Variants in ARSG observed in about 807,000 individuals in gnomAD.
ARSG encodes the protein ASG.
Under a neutral mutation model 50.5 loss-of-function variants are expected in ARSG, and 37 were observed. The observed-to-expected ratio is 0.73, with a 90% CI of 0.56 to 0.96. The LOEUF (loss-of-function observed/expected upper bound fraction) is 0.96. Ranked by LOEUF, ARSG falls within the 50% of genes least tolerant of loss-of-function variation. ARSG has a pLI of 0.00. For synonymous variants in ARSG, 225 were observed against 254.6 expected, an observed-to-expected ratio of 0.88 and a Z score of 1.11; for missense variants, 629 against 675.3, an observed-to-expected ratio of 0.93 and a Z score of 0.76.
At chr17:68,407,227 A>G (rs1183087059) in intron 11 of ARSG, among the ~76,000 whole-genome samples, 2 of 152,152 alleles carry the variant, frequency 1.3e-5, no homozygotes, top group African/African-American at 4.8e-5. Flanking sequence ...CCATTGGTCT[A>G]TGTGCCTATT....
chr17:68,380,530 A>T (rs2080383204), intron 8 of ARSG, among the ~76,000 whole-genome samples: 1 of 152,082 alleles, frequency 6.6e-6, no homozygotes, highest in African/African-American at 2.4e-5. Context: ...TGGCCTCCCA[A>T]AGTGGTGGGA....
chr17:68,363,536 C>T (rs920912703), intron 6 of ARSG, among the ~76,000 whole-genome samples: 6 of 152,054 alleles, frequency 3.9e-5, no homozygotes, highest in South Asian at 2.1e-4. Context: ...GGCGCGATCT[C>T]GGCTCACCGC....
rs2160725 is a variant in ARSG, at chr17:68,399,585, A to C, written c.1213-1775A>C. The stretch of plus-strand genomic sequence containing the variant: ...CCATAATGGGTCTTCTCAAACAAAC[A>C]AAAAAAATGCATAGACAAGTTCTCC... On this transcript the variant is annotated intron_variant, in intron 10 of 11. Coordinates refer to ENST00000621439, the MANE Select transcript of ARSG (RefSeq NM_001267727.2). The surrounding 1 kb of genome is among the most constrained non-coding windows in gnomAD (Gnocchi z 4.6). Among the ~76,000 whole-genome samples the C allele has an allele frequency of 0.44, 67,345 of 151,910 alleles. 15,776 individuals are homozygous for C. Among genetic ancestry groups the C allele is most frequent in the Admixed American group, 0.56 (8,539 of 15,264 alleles).
At chr17:68,393,416 T>A (rs2081087665) in intron 9 of ARSG, among the ~76,000 whole-genome samples, 1 of 152,120 alleles carries the variant, frequency 6.6e-6, no homozygotes, top group African/African-American at 2.4e-5. Context: ...AGTTATCAGA[T>A]TGATTGTCGA....
At position 68,385,141 on chromosome 17, in the gene ARSG, C is replaced by A. The variant is rs2080644281; in HGVS notation, c.1060C>A (p.Pro354Thr). 1 of 1,613,970 alleles carries A rather than the reference C, an allele frequency of 6.2e-7. No homozygotes were observed. The highest frequency in any genetic ancestry group is 8.5e-7 in the Non-Finnish European group (1 of 1,179,940). Residue 354 changes from proline to threonine, a missense_variant, in exon 9 of 12, where the codon CCA becomes ACA. Pro to Thr is a conservative substitution (Grantham distance 38). Transcript: ENST00000621439. Reference sequence around the variant, plus strand: ...ACTGGCTTACTGGCCTGGCAGAGTTCCAGTTAATGTCACCAGCACTGCCTT... The same window carrying A: ...ACTGGCTTACTGGCCTGGCAGAGTTACAGTTAATGTCACCAGCACTGCCTT... Reference protein sequence around the residue: ...PALAYWPGRVPVNVTSTALLS... With the variant: ...PALAYWPGRVTVNVTSTALLS...
chr17:68,278,492 C>G (rs2075594771), intron 1 of ARSG, among the ~76,000 whole-genome samples: 1 of 152,064 alleles, frequency 6.6e-6, no homozygotes, highest in Non-Finnish European at 1.5e-5. Flanking sequence ...CTCTGTCATC[C>G]AGGCTAGAGT....
chr17:68,388,282 C>T (rs573333679), intron 9 of ARSG, among the ~76,000 whole-genome samples: 5 of 152,274 alleles, frequency 3.3e-5, no homozygotes, highest in African/African-American at 9.6e-5. Context: ...TGGGCTGGAT[C>T]ACTCTTCGTT....
At chr17:68,377,162 G>A (rs909550435) in intron 8 of ARSG, among the ~76,000 whole-genome samples, 13 of 152,070 alleles carry the variant, frequency 8.5e-5, no homozygotes, top group African/African-American at 2.4e-4. Flanking sequence ...GTGCTTGGCC[G>A]ACCTCAGCGA....
rs12942575 is a variant in ARSG, at chr17:68,262,174, A to C, written c.-552+2748A>C. 8.4e-4 allele frequency among the ~76,000 whole-genome samples: 93 copies of C among 110,174 alleles called. 1 individual carries two copies. The highest frequency in any genetic ancestry group is 1.7e-3 in the Admixed American group (18 of 10,788). 72.3% of individuals were successfully genotyped at this position (110,174 alleles called of 152,430 possible). On this transcript the variant is annotated intron_variant, in intron 1 of 11. Transcript: ENST00000448504. ...TCCATCTCAAACGAAAACAAACAAA[A>C]AAAAAAAAAAGAAAGGGCCGGGCGT...
intron 11 of ARSG, among the ~76,000 whole-genome samples, chr17:68,405,040 T>C (rs1414062549): frequency 6.6e-6 from 1 of 152,164 alleles, no homozygotes; most frequent in Non-Finnish European, 1.5e-5. Flanking sequence ...ATTAGTTATA[T>C]GTCTATGTTT....
chr17:68,375,392 C>T (rs1339391568), intron 8 of ARSG, among the ~76,000 whole-genome samples: 4 of 152,170 alleles, frequency 2.6e-5, no homozygotes, highest in African/African-American at 9.7e-5. Context: ...TTTAGGGCTT[C>T]ACCCCGGGCC....
In ARSG at chr17:68,397,637, C is replaced by T. The variant is rs1374295132; in HGVS notation, c.1212+2444C>T. On this transcript the variant is annotated intron_variant, in intron 10 of 11. Transcript: ENST00000621439. The stretch of plus-strand genomic sequence containing the variant: ...GAATATGAGGAATTATATATATATA[C>T]ACACACACACAATATTCTATACATA... 3.9e-5 allele frequency among the ~76,000 whole-genome samples: 6 copies of T among 151,900 alleles called. No homozygotes were observed. The East Asian group carries it at 5.8e-4, about 15-fold the overall frequency.
intron 5 of ARSG, among the ~76,000 whole-genome samples, chr17:68,356,423 C>T (rs528062798): frequency 6.6e-6 from 1 of 152,124 alleles, no homozygotes; most frequent in African/African-American, 2.4e-5. Flanking sequence ...CCCTAGCTCA[C>T]GAGAGTCTTT....
At chr17:68,431,378 C>T in the ARSG span, among the ~76,000 whole-genome samples, 34,557 of 151,608 alleles carry the variant, frequency 0.23, 4,574 homozygotes, top group Middle Eastern at 0.35. Flanking sequence ...GCATGGAGCC[C>T]GGCACGTGGC....
At chr17:68,265,519 G>A (rs1361141345) in intron 1 of ARSG, among the ~76,000 whole-genome samples, 1 of 152,134 alleles carries the variant, frequency 6.6e-6, no homozygotes, top group Non-Finnish European at 1.5e-5. Flanking sequence ...ATGAAAAAGT[G>A]TTAGCTGCTT....
chr17:68,447,642 C>T, the ARSG span, among the ~76,000 whole-genome samples: 9 of 152,158 alleles, frequency 5.9e-5, no homozygotes, highest in African/African-American at 1.9e-4. Flanking sequence ...CCTCCTGCCT[C>T]GGCCTCCTGA....
At chr17:68,410,752 C>T (rs1423927508) in intron 11 of ARSG, among the ~76,000 whole-genome samples, 1 of 152,178 alleles carries the variant, frequency 6.6e-6, no homozygotes, top group African/African-American at 2.4e-5. Context: ...CCATCTGGTC[C>T]TGGACTCTTT....
chr17:68,430,173 G>C, the ARSG span: 1 of 1,607,528 alleles, frequency 6.2e-7, no homozygotes, highest in Non-Finnish European at 8.5e-7. Context: ...AGGGAGTAAT[G>C]CACAGGCAAC....
chr17:68,292,090 C>T (rs112675814), intron 1 of ARSG, among the ~76,000 whole-genome samples: 2 of 152,204 alleles, frequency 1.3e-5, no homozygotes, highest in South Asian at 2.1e-4. Flanking sequence ...GCAGTGGGCC[C>T]CAGGGAGCGA....
Sources: gnomAD v4.1 joint callset for allele counts (sites outside exome capture counted in the v4.1 genomes callset) on GRCh38, gnomAD v4.1.1 for gene constraint, Gnocchi (gnomAD v3.1) non-coding constraint, MANE v1.5 for transcripts, NCBI Gene and HGNC (gene_info 2026-07-23, HGNC 2026-07-21) for gene names.